E2F3: variants seen among roughly 807,000 people sequenced by gnomAD.
E2F3 encodes E2F transcription factor 3.
A neutral mutation model predicts 44.4 loss-of-function variants in E2F3; 11 were observed. That is an observed-to-expected ratio of 0.25 (90% CI 0.16 to 0.41). The LOEUF is 0.41. Ranked by LOEUF, E2F3 falls within the 10% of genes least tolerant of loss-of-function variation. The probability of loss-of-function intolerance (pLI) is 1.00; values close to 1 mark genes in which losing one functional copy is unlikely to be tolerated. For missense variants in E2F3, 487 were observed against 583.6 expected (o/e 0.83, Z 1.70); for synonymous variants, 249 against 253.0 (o/e 0.98, Z 0.15).
intron 1 of E2F3, among the ~76,000 whole-genome samples, chr6:20,415,907 A>G (rs1561849659): frequency 6.6e-6 from 1 of 152,200 alleles, no homozygotes; most frequent in Non-Finnish European, 1.5e-5. Context: ...TGCATTTATC[A>G]TTGACCCAAC....
intron 5 of E2F3, 150 bp downstream of exon 5, chr6:20,486,953 C>T: frequency 1.7e-6 from 1 of 585,340 alleles, no homozygotes; most frequent in East Asian, 2.9e-5. Context: ...CATTTGAAAA[C>T]ATTTCAATGG....
rs1762542805 is a variant in E2F3, at chr6:20,491,159, C to T, written c.*729C>T. Reference sequence around the variant, plus strand: ...CTGTCTCCATGAACCACTCCCATTCCCCCGTCCCCAATGTGTTTGTGAGTT... The same window carrying T: ...CTGTCTCCATGAACCACTCCCATTCTCCCGTCCCCAATGTGTTTGTGAGTT... On this transcript the variant is annotated 3_prime_UTR_variant, in exon 7 of 7. Transcript: ENST00000346618. 1 of 232,402 alleles carries T rather than the reference C, an allele frequency of 4.3e-6. No individual in the cohort carries two copies. Among genetic ancestry groups the T allele is most frequent in the African/African-American group, 2.2e-5 (1 of 45,270 alleles). The allele number at this position is 232,402 out of a possible 1,614,324, so 14.4% of individuals were successfully genotyped here.
chr6:20,480,778 G>C (rs769207121), intron 2 of E2F3, among the ~76,000 whole-genome samples: 7 of 145,080 alleles, frequency 4.8e-5, no homozygotes, highest in Non-Finnish European at 1.0e-4. Flanking sequence ...AGATGGGTCT[G>C]TTTAAGACCT....
intron 1 of E2F3, chr6:20,439,909 T>G (rs1304887955): frequency 1.3e-5 from 2 of 152,262 alleles, no homozygotes; most frequent in Non-Finnish European, 2.9e-5. Flanking sequence ...GTGTATACAA[T>G]GGAAATACGT....
rs1218092893 is a variant in E2F3, at chr6:20,490,225, C to G, written c.1193C>G (p.Ser398Cys). Reference protein sequence around the residue: ...SDCSVSMGNLSPLASPANLLQ... With the variant: ...SDCSVSMGNLCPLASPANLLQ... ...TGCTCAGTTTCTATGGGAAACCTTT[C>G]TCCTCTGGCCTCCCCAGCCAACCTC... Residue 398 changes from serine (S) to cysteine (C), a missense_variant, in exon 7 of 7, where the codon TCT becomes TGT. Around this residue, in one of 3 missense-constraint regions of E2F3, gnomAD observed 220 missense variants for 261.7 expected, o/e 0.84. Coordinates refer to ENST00000346618, the MANE Select transcript of E2F3 (RefSeq NM_001949.5). The surrounding 1 kb of genome is among the most constrained non-coding windows in gnomAD (Gnocchi z 4.3). 1 of 1,614,036 alleles carries G rather than the reference C, an allele frequency of 6.2e-7. No homozygotes were observed. Among genetic ancestry groups the G allele is most frequent in the Non-Finnish European group, 8.5e-7 (1 of 1,179,954 alleles).
chr6:20,441,925 T>C (rs1184835338), intron 1 of E2F3, among the ~76,000 whole-genome samples: 1 of 151,960 alleles, frequency 6.6e-6, no homozygotes, highest in Non-Finnish European at 1.5e-5. Flanking sequence ...TGCCCCATCT[T>C]ACAATCCTAC....
At chr6:20,484,498 C>T (rs4134950) in intron 4 of E2F3, among the ~76,000 whole-genome samples, 3,132 of 152,236 alleles carry the variant, frequency 0.021, 83 homozygotes, top group Non-Finnish European at 0.022. Context: ...TGACAGTGAG[C>T]TGTAGTGTAA....
chr6:20,429,549 C>A (rs1760327396), intron 1 of E2F3, among the ~76,000 whole-genome samples: 1 of 152,088 alleles, frequency 6.6e-6, no homozygotes, highest in Non-Finnish European at 1.5e-5. Context: ...TGGAATGTAT[C>A]CTCGGAGGAT....
chr6:20,470,173 A>T (rs557829703), intron 1 of E2F3, among the ~76,000 whole-genome samples: 1 of 151,906 alleles, frequency 6.6e-6, no homozygotes, highest in Non-Finnish European at 1.5e-5. Context: ...CCTCTTAACA[A>T]TCTCTCCAGA....
rs891868177 is a variant in E2F3, at chr6:20,488,206, A to G, written c.1093A>G (p.Asn365Asp). ...TETHSPMKTNNQDHNGNIPKP... is the reference protein window; with the variant it reads ...TETHSPMKTNDQDHNGNIPKP... ...AACACACAGTCCAATGAAAACAAAC[A>G]ACCAAGACCACAATGGGAATATCCC... Residue 365 changes from asparagine (N) to aspartate (D), a missense_variant, in exon 6 of 7, where the codon AAC becomes GAC. By Grantham distance (23) the Asn-to-Asp change is conservative. Transcript: ENST00000346618. 2 of 1,609,318 alleles carry G rather than the reference A, an allele frequency of 1.2e-6. No individual in the cohort carries two copies. The highest frequency in any genetic ancestry group is 1.7e-5 in the Admixed American group (1 of 58,656).
intron 4 of E2F3, 71 bp downstream of exon 4, chr6:20,482,991 T>C: frequency 1.9e-6 from 3 of 1,600,800 alleles, no homozygotes; most frequent in Non-Finnish European, 2.6e-6. Context: ...ACAATCTGAC[T>C]TATGCACAAG....
intron 1 of E2F3, chr6:20,452,478 A>G (rs1761163085): frequency 6.6e-6 from 1 of 152,058 alleles, no homozygotes; most frequent in African/African-American, 2.4e-5. Flanking sequence ...GATCACCCTA[A>G]GTACTGTTTG....
Position 20,402,118 on chromosome 6 carries a change from C to A in E2F3, c.-115C>A. 7.0e-7 allele frequency: 1 copy of A among 1,421,570 alleles called. No homozygotes were observed. The highest frequency in any genetic ancestry group is 9.1e-7 in the Non-Finnish European group (1 of 1,093,824). 88.1% of individuals were successfully genotyped at this position (1,421,570 alleles called of 1,614,324 possible). Reference sequence around the variant, plus strand: ...AAAAGAGAGAGAGGGGGCTCGGAAGCGCCGGGCGGGGAGGAGAGAAGGAGG... The same window carrying A: ...AAAAGAGAGAGAGGGGGCTCGGAAGAGCCGGGCGGGGAGGAGAGAAGGAGG... On this transcript the variant is annotated 5_prime_UTR_variant, in exon 1 of 7. Coordinates refer to ENST00000346618, the MANE Select transcript of E2F3 (RefSeq NM_001949.5). This position sits in a 1 kb window ranked among gnomAD's most constrained non-coding sequence, Gnocchi z 5.6.
chr6:20,411,018 G>A (rs1486908160), intron 1 of E2F3, among the ~76,000 whole-genome samples: 3 of 152,166 alleles, frequency 2.0e-5, no homozygotes, highest in Non-Finnish European at 2.9e-5. Context: ...CCGTGGAATG[G>A]CTCTCGCCTA....
chr6:20,478,069 T>G (rs1050639842), intron 1 of E2F3, among the ~76,000 whole-genome samples: 1 of 151,928 alleles, frequency 6.6e-6, no homozygotes, highest in Non-Finnish European at 1.5e-5. Flanking sequence ...CATCATGGTG[T>G]GCACCTGTGG....
chr6:20,479,910 C>T lies in E2F3; in HGVS notation c.458C>T (p.Pro153Leu). Residue 153 changes from proline (P) to leucine (L), a missense_variant, in exon 2 of 7, where the codon CCC (proline) becomes CTC (leucine). Coordinates refer to ENST00000346618, the MANE Select transcript of E2F3 (RefSeq NM_001949.5). Reference protein sequence around the residue: ...HQYLSDGLKTPKGKGRAALRS... With the variant: ...HQYLSDGLKTLKGKGRAALRS... Reference sequence around the variant, plus strand: ...TACCTCTCAGATGGTTTAAAAACCCCCAAGGGCAAAGGAAGAGCTGCACTA... The same window carrying T: ...TACCTCTCAGATGGTTTAAAAACCCTCAAGGGCAAAGGAAGAGCTGCACTA... The T allele has an allele frequency of 1.2e-6, 2 of 1,612,762 alleles. No individual in the cohort carries two copies. Among genetic ancestry groups the T allele is most frequent in the South Asian group, 1.1e-5 (1 of 90,736 alleles).
intron 1 of E2F3, among the ~76,000 whole-genome samples, chr6:20,421,078 T>C (rs1760011493): frequency 6.6e-6 from 1 of 152,250 alleles, no homozygotes; most frequent in African/African-American, 2.4e-5. Flanking sequence ...TCCTCATCTA[T>C]TCAAGTTTGA....
Position 20,402,629 on chromosome 6 carries a change from A to G in E2F3, c.393+4A>G. 7.5e-7 allele frequency: 1 copy of G among 1,331,836 alleles called. No homozygotes were observed. The highest frequency in any genetic ancestry group is 9.5e-7 in the Non-Finnish European group (1 of 1,049,864). 82.5% of individuals were successfully genotyped at this position (1,331,836 alleles called of 1,614,324 possible). ...CGGCGGCGGCGGCGGCCCTCCGGTA[A>G]TACCCTCCCTCCCCACCGTCCCCAG... On this transcript the variant is annotated splice_donor_region_variant and intron_variant, in intron 1 of 6. Coordinates refer to ENST00000346618, the MANE Select transcript of E2F3 (RefSeq NM_001949.5). The surrounding 1 kb of genome is among the most constrained non-coding windows in gnomAD (Gnocchi z 5.6).
intron 1 of E2F3, among the ~76,000 whole-genome samples, chr6:20,442,804 T>C (rs990787274): frequency 1.3e-5 from 2 of 152,024 alleles, no homozygotes; most frequent in South Asian, 4.1e-4. Context: ...ACCCCGTCTC[T>C]ACTAAAAATA....
Sources: gnomAD v4.1 joint callset for allele counts (sites outside exome capture counted in the v4.1 genomes callset) on GRCh38, gnomAD v4.1.1 for gene constraint, gnomAD v4.1.1 regional missense constraint, Gnocchi (gnomAD v3.1) non-coding constraint, MANE v1.5 for transcripts, NCBI Gene and HGNC (gene_info 2026-07-23, HGNC 2026-07-21) for gene names.